The following PTPN23 variants were observed in gnomAD, a reference collection of about 807,000 sequenced individuals.
The protein encoded by PTPN23 is tyrosine-protein phosphatase non-receptor type 23.
In PTPN23, 72 loss-of-function variants were observed where a neutral mutation model predicts 156.3. The observed-to-expected ratio is 0.46, with a 90% CI of 0.38 to 0.56. PTPN23 has a LOEUF of 0.56. Among genes scored for constraint, PTPN23 ranks in the 20% least tolerant of loss-of-function variants. The pLI is 0.00. For synonymous variants in PTPN23, 957 were observed against 899.6 expected (o/e 1.06, Z -1.14); for missense variants, 1,974 against 2,171.5 (o/e 0.91, Z 1.81).
chr3:47,398,159 G>A (rs1447916613), intron 2 of PTPN23, among the ~76,000 whole-genome samples: 2 of 152,152 alleles, frequency 1.3e-5, no homozygotes, highest in African/African-American at 4.8e-5. Flanking sequence ...AGTCGGGCAT[G>A]GTAGCAGCGC....
rs1705382809 is a variant in PTPN23 at position 47,413,378 on chromosome 3, TG to T, written c.*196del. 1.4e-6 allele frequency: 1 copy of T among 697,634 alleles called. No individual in the cohort carries two copies. The highest frequency in any genetic ancestry group is 3.1e-5 in the Admixed American group (1 of 32,304). 43.2% of individuals were successfully genotyped at this position (697,634 alleles called of 1,614,324 possible). A position where few individuals can be genotyped will look rare whatever the true frequency, so the allele number is the denominator to read the frequency against. On this transcript the variant is annotated 3_prime_UTR_variant, in exon 25 of 25. Transcript: ENST00000265562. ...CTCTGGGTCAGGTTCTGCTCCTTTATGGGACCCGACATTTTTCAGCTCTTTG... is the reference window on the plus strand; with the variant it reads ...CTCTGGGTCAGGTTCTGCTCCTTTATGGACCCGACATTTTTCAGCTCTTTG...
chr3:47,391,217 G>A (rs1704766569), intron 1 of PTPN23, among the ~76,000 whole-genome samples: 1 of 152,024 alleles, frequency 6.6e-6, no homozygotes, highest in Admixed American at 6.6e-5. Flanking sequence ...CTCCAGCCTG[G>A]GCAACAGAAC....
intron 1 of PTPN23, among the ~76,000 whole-genome samples, chr3:47,389,814 C>T (rs1704732015): frequency 7.3e-6 from 1 of 137,830 alleles, no homozygotes; most frequent in African/African-American, 2.8e-5. Context: ...GCACTCCAGC[C>T]TGGGTAACAG....
chr3:47,411,954 A>G lies in PTPN23; in HGVS notation c.4060A>G (p.Thr1354Ala). The G allele has an allele frequency of 6.2e-7, 1 of 1,611,548 alleles. No individual in the cohort carries two copies. The highest frequency in any genetic ancestry group is 8.5e-7 in the Non-Finnish European group (1 of 1,178,880). ...KRSLVHLHFP[T>A]WPELGLPDSP... Reference sequence around the variant, plus strand: ...CTCTCTTGTGCACCTGCACTTCCCCACTTGGCCTGAGTTGTGAGTCCACTG... The same window carrying G: ...CTCTCTTGTGCACCTGCACTTCCCCGCTTGGCCTGAGTTGTGAGTCCACTG... Residue 1354 changes from threonine (T) to alanine (A), a missense_variant, in exon 21 of 25, where the codon ACT (threonine) becomes GCT (alanine). This residue lies in a region of PTPN23 where 484 missense variants were observed against 516.0 expected (regional missense o/e 0.94). Coordinates refer to ENST00000265562, the MANE Select transcript of PTPN23 (RefSeq NM_015466.4). The surrounding 1 kb of genome is among the most constrained non-coding windows in gnomAD (Gnocchi z 6.3).
In PTPN23 at chr3:47,408,994, C is replaced by T. The variant is rs775291877; in HGVS notation, c.1549C>T (p.Arg517Cys). 5.6e-6 allele frequency: 9 copies of T among 1,614,128 alleles called. No individual in the cohort carries two copies. The highest frequency in any genetic ancestry group is 2.2e-5 in the South Asian group (2 of 91,090). The change falls in exon 16 of 25, where the codon CGT becomes TGT. Residue 517 changes from arginine to cysteine, a missense_variant. Around this residue, in one of 4 missense-constraint regions of PTPN23, gnomAD observed 726 missense variants for 929.5 expected, o/e 0.78. Coordinates refer to ENST00000265562, the MANE Select transcript of PTPN23 (RefSeq NM_015466.4). ...KASFTNSELHRAMNLHVGNLR... is the reference protein window; with the variant it reads ...KASFTNSELHCAMNLHVGNLR... ...CTCCTTCACCAACAGTGAGCTGCAC[C>T]GTGCCATGAACCTGCACGTCGGCAA...
chr3:47,410,377 T>A lies in PTPN23; in HGVS notation c.2579T>A (p.Leu860His), dbSNP rs773022303. 2.5e-6 allele frequency: 4 copies of A among 1,610,544 alleles called. No homozygotes were observed. Among genetic ancestry groups the A allele is most frequent in the Non-Finnish European group, 3.4e-6 (4 of 1,178,750 alleles). ...GGGCCGGCCCCACCAGTTGCAGGTCTCCCCTCGGCCCCACCTCCTCAATTC... is the reference window on the plus strand; with the variant it reads ...GGGCCGGCCCCACCAGTTGCAGGTCACCCCTCGGCCCCACCTCCTCAATTC... ...GVGPAPPVAGLPSAPPPQFSG... is the reference protein window; with the variant it reads ...GVGPAPPVAGHPSAPPPQFSG... Residue 860 changes from leucine (L) to histidine (H), a missense_variant, in exon 20 of 25, where the codon CTC (leucine) becomes CAC (histidine). This residue lies in a region of PTPN23 where 731 missense variants were observed against 669.1 expected (regional missense o/e 1.09). Transcript: ENST00000265562.
chr3:47,381,170 C>T lies in PTPN23; in HGVS notation c.74C>T (p.Ala25Val). 2.5e-6 allele frequency: 4 copies of T among 1,586,144 alleles called. No homozygotes were observed. The highest frequency in any genetic ancestry group is 3.4e-6 in the Non-Finnish European group (4 of 1,166,794). ...GCCGGTGACTTTCACTTCCAGCCAG[C>T]TGTGAAGAAGGTGAGCTTGCCTTCC... is the stretch of plus-strand genomic sequence containing the variant. ...KEAGDFHFQP[A>V]VKKFVLKNYG... Residue 25 changes from alanine (A) to valine (V), a missense_variant, in exon 1 of 25, where the codon GCT (alanine) becomes GTT (valine). By Grantham distance (64) the Ala-to-Val change is moderately conservative. Around this residue, in one of 4 missense-constraint regions of PTPN23, gnomAD observed 726 missense variants for 929.5 expected, o/e 0.78. Transcript: ENST00000265562.
In PTPN23 at chr3:47,406,996, G is replaced by T. The variant is rs1705142431; in HGVS notation, c.808-134G>T. ...CAGGGTGTGGCGCCACCTTGCTGCT[G>T]TTGGCTGGGGTGGTGCCCGGCTGCC... On this transcript the variant is annotated intron_variant, in intron 9 of 24. Coordinates refer to ENST00000265562, the MANE Select transcript of PTPN23 (RefSeq NM_015466.4). The surrounding 1 kb of genome is among the most constrained non-coding windows in gnomAD (Gnocchi z 5.8). 8.0e-7 allele frequency: 1 copy of T among 1,248,058 alleles called. No homozygotes were observed. The highest frequency in any genetic ancestry group is 1.1e-6 in the Non-Finnish European group (1 of 884,022). The allele number at this position is 1,248,058 out of a possible 1,614,324, so 77.3% of individuals were successfully genotyped here.
In PTPN23 at chr3:47,411,735, C is replaced by A. The variant is rs201738280; in HGVS notation, c.3889-48C>A. On this transcript the variant is annotated intron_variant, in intron 20 of 24. Transcript: ENST00000265562. This position sits in a 1 kb window ranked among gnomAD's most constrained non-coding sequence, Gnocchi z 6.3. ...ACGAGGGCAGTGTGGGGTGGCAGGG[C>A]AGGGGATCCTGGAAAACCAGGTCTG... The A allele has an allele frequency of 1.2e-4, 189 of 1,591,512 alleles. No individual in the cohort carries two copies. In the East Asian group the frequency reaches 4.0e-3, roughly 34 times the overall value.
rs1422578358 is a variant in PTPN23 at position 47,405,959 on chromosome 3, C to G, written c.459C>G (p.Ala153=). The change falls in exon 6 of 25, where the codon GCC becomes GCG. Residue 153 remains alanine (A), a synonymous_variant. Coordinates refer to ENST00000265562, the MANE Select transcript of PTPN23 (RefSeq NM_015466.4). The surrounding 1 kb of genome is among the most constrained non-coding windows in gnomAD (Gnocchi z 4.7). ...CCCATTTCCAGTGCGCAGCCGGCGC[C>G]TTCGCCTACCTACGGGAGCACTTCC... ...SCTHFQCAAG[A]FAYLREHFPQ... is the part of the protein sequence containing the mutation. The G allele has an allele frequency of 1.2e-6, 2 of 1,613,970 alleles. No individual in the cohort carries two copies. Among genetic ancestry groups the G allele is most frequent in the Admixed American group, 1.7e-5 (1 of 60,026 alleles).
chr3:47,404,536 T>C (rs2107712827), intron 2 of PTPN23, 116 bp from the exon 3 acceptor site: 1 of 1,398,180 alleles, frequency 7.2e-7, no homozygotes, highest in Non-Finnish European at 9.9e-7. Flanking sequence ...TTGGGATCCC[T>C]TGGTGTGTGC....
chr3:47,413,128 G>T lies in PTPN23; in HGVS notation c.4854G>T (p.Arg1618=), dbSNP rs559783217. ...AHNGQGLRAT[R]PSDDPLSLLD... ...ACGGGCAAGGGCTGCGGGCCACCCGGCCCTCTGACGACCCCCTCAGCCTTC... is the reference window on the plus strand; with the variant it reads ...ACGGGCAAGGGCTGCGGGCCACCCGTCCCTCTGACGACCCCCTCAGCCTTC... The change falls in exon 25 of 25, where the codon CGG becomes CGT. Residue 1618 remains arginine (R), a synonymous_variant. Transcript: ENST00000265562. The T allele has an allele frequency of 6.2e-7, 1 of 1,612,796 alleles. No homozygotes were observed. Among genetic ancestry groups the T allele is most frequent in the East Asian group, 2.2e-5 (1 of 44,884 alleles).
chr3:47,403,057 T>TC (rs1705031183), intron 2 of PTPN23, among the ~76,000 whole-genome samples: 2 of 146,698 alleles, frequency 1.4e-5, no homozygotes, highest in African/African-American at 4.9e-5. Flanking sequence ...GTTACATTCT[T>TC]TTTTTTTTTT....
In PTPN23 at chr3:47,411,418, G is replaced by C; in HGVS notation, c.3620G>C (p.Arg1207Pro). Residue 1207 changes from arginine to proline, a missense_variant, in exon 20 of 25, where the codon CGA (arginine) becomes CCA (proline). Physicochemically the swap from Arg to Pro is moderately radical, Grantham distance 103. Around this residue, in one of 4 missense-constraint regions of PTPN23, gnomAD observed 731 missense variants for 669.1 expected, o/e 1.09. Coordinates refer to ENST00000265562, the MANE Select transcript of PTPN23 (RefSeq NM_015466.4). The surrounding 1 kb of genome is among the most constrained non-coding windows in gnomAD (Gnocchi z 6.3). Reference sequence around the variant, plus strand: ...CAAGATGCGCAGGAACATGATGCCCGAGGCCGTTCCATCGCCATTGCCCGC... The same window carrying C: ...CAAGATGCGCAGGAACATGATGCCCCAGGCCGTTCCATCGCCATTGCCCGC... ...ELQDAQEHDA[R>P]GRSIAIARCY... 1 of 1,613,070 alleles carries C rather than the reference G, an allele frequency of 6.2e-7. No individual in the cohort carries two copies. The highest frequency in any genetic ancestry group is 1.1e-5 in the South Asian group (1 of 91,082).
chr3:47,410,735 G>A lies in PTPN23; in HGVS notation c.2937G>A (p.Gln979=). ...PQPPQQPLPL[Q]HPHLFPPQAP... ...CCCCACAGCAGCCCCTTCCACTCCA[G>A]CATCCACATCTCTTCCCACCCCAGG... The change falls in exon 20 of 25, where the codon CAG becomes CAA. Residue 979 remains glutamine (Q), a synonymous_variant. Coordinates refer to ENST00000265562, the MANE Select transcript of PTPN23 (RefSeq NM_015466.4). 6.4e-7 allele frequency: 1 copy of A among 1,566,786 alleles called. No homozygotes were observed. The highest frequency in any genetic ancestry group is 1.7e-4 in the Middle Eastern group (1 of 5,988).
Position 47,412,336 on chromosome 3 carries a change from A to T in PTPN23, c.4232A>T (p.Glu1411Val). 6.2e-7 allele frequency: 1 copy of T among 1,613,350 alleles called. No homozygotes were observed. The highest frequency in any genetic ancestry group is 8.5e-7 in the Non-Finnish European group (1 of 1,180,022). Residue 1411 changes from glutamate to valine, a missense_variant, in exon 23 of 25, where the codon GAG becomes GTG. Glu to Val is a moderately radical substitution (Grantham distance 121). This residue lies in a region of PTPN23 where 484 missense variants were observed against 516.0 expected (regional missense o/e 0.94). Coordinates refer to ENST00000265562, the MANE Select transcript of PTPN23 (RefSeq NM_015466.4). Reference sequence around the variant, plus strand: ...GCACTGCTCTATGCAGCTGTGCAGGAGGTGGAGGCTGGGAACGGAATCCCT... The same window carrying T: ...GCACTGCTCTATGCAGCTGTGCAGGTGGTGGAGGCTGGGAACGGAATCCCT... ...AFALLYAAVQ[E>V]VEAGNGIPEL...
chr3:47,392,941 C>T (rs1157075618), intron 1 of PTPN23, among the ~76,000 whole-genome samples: 1 of 152,048 alleles, frequency 6.6e-6, no homozygotes, highest in Non-Finnish European at 1.5e-5. Flanking sequence ...TCAAGTGATC[C>T]TCCTGCCTCA....
intron 2 of PTPN23, among the ~76,000 whole-genome samples, chr3:47,401,575 C>G (rs11925823): frequency 0.49 from 75,235 of 152,020 alleles, 20,234 homozygotes; most frequent in Non-Finnish European, 0.6. Context: ...GCTAGCGCAT[C>G]ACACCTGTGA....
rs1452762959 is a variant in PTPN23 at position 47,406,457 on chromosome 3, C to A, written c.628-24C>A. ...TCACTTTACTGCTGACTCCCCCACT[C>A]ATTGGGCCCCACCCTGTTCTCAGGT... On this transcript the variant is annotated intron_variant, in intron 7 of 24. Coordinates refer to ENST00000265562, the MANE Select transcript of PTPN23 (RefSeq NM_015466.4). This position sits in a 1 kb window ranked among gnomAD's most constrained non-coding sequence, Gnocchi z 5.8. 1.2e-6 allele frequency: 2 copies of A among 1,613,772 alleles called. No homozygotes were observed. Among genetic ancestry groups the A allele is most frequent in the Non-Finnish European group, 1.7e-6 (2 of 1,179,994 alleles).
Sources: gnomAD v4.1 joint callset for allele counts (sites outside exome capture counted in the v4.1 genomes callset) on GRCh38, gnomAD v4.1.1 for gene constraint, gnomAD v4.1.1 regional missense constraint, Gnocchi (gnomAD v3.1) non-coding constraint, MANE v1.5 for transcripts, NCBI Gene and HGNC (gene_info 2026-07-23, HGNC 2026-07-21) for gene names.